Variants in SGSM3 observed in about 807,000 individuals in gnomAD.
SGSM3 encodes the protein RUN and SH3 containing 3.
A neutral mutation model predicts 100.5 loss-of-function variants in SGSM3; 96 were observed. That is an observed-to-expected ratio of 0.96 (90% confidence interval 0.81 to 1.13). The LOEUF (loss-of-function observed/expected upper bound fraction) is 1.13. Among genes scored for constraint, SGSM3 ranks in the 50% most tolerant of loss-of-function variants. The pLI, the probability that SGSM3 is intolerant of heterozygous loss-of-function variation, is 0.00. For missense variants in SGSM3, 1,001 were observed against 1,015.8 expected (o/e 0.99, Z 0.20); for synonymous variants, 483 against 422.8 (o/e 1.14, Z -1.75).
intron 1 of SGSM3, among the ~76,000 whole-genome samples, chr22:40,394,645 CAAAAAAA>C (rs34700924): frequency 4.8e-5 from 4 of 84,132 alleles, no homozygotes; most frequent in Non-Finnish European, 9.2e-5. Context: ...ACTCCTGTCT[CAAAAAAA>C]AAAAAAAAAA....
At position 40,407,950 on chromosome 22, in the gene SGSM3, C is replaced by T. The variant is rs1166624692; in HGVS notation, c.1579+107C>T. The T allele has an allele frequency of 2.8e-6, 4 of 1,451,076 alleles. No individual in the cohort carries two copies. In the African/African-American group the frequency reaches 4.2e-5, roughly 15 times the overall value. 89.9% of individuals were successfully genotyped at this position (1,451,076 alleles called of 1,614,324 possible). On this transcript the variant is annotated intron_variant, in intron 14 of 21. Transcript: ENST00000248929. This position sits in a 1 kb window ranked among gnomAD's most constrained non-coding sequence, Gnocchi z 4.7. ...AAGCTGTTCTCCTCTATACACCTGC[C>T]TGGCTTGAGGTCCCTGAAGCAGCTG...
At chr22:40,395,329 T>TC (rs971691467) in intron 1 of SGSM3, among the ~76,000 whole-genome samples, 2 of 152,006 alleles carry the variant, frequency 1.3e-5, no homozygotes, top group African/African-American at 4.8e-5. Context: ...ATAACTCTTT[T>TC]TTTTTTTTTT....
At chr22:40,390,501 G>C (rs1402565088) in intron 1 of SGSM3, 1 of 152,120 alleles carries the variant, frequency 6.6e-6, no homozygotes, top group Non-Finnish European at 1.5e-5. Flanking sequence ...CTGGTATTTT[G>C]TTCTCAAAAC....
chr22:40,386,907 A>G (rs1243851664), intron 1 of SGSM3, among the ~76,000 whole-genome samples: 1 of 152,148 alleles, frequency 6.6e-6, no homozygotes, highest in Non-Finnish European at 1.5e-5. Context: ...CTCCTAATTT[A>G]TCTGTTTAAT....
At position 40,402,058 on chromosome 22, in the gene SGSM3, A is replaced by T. The variant is rs2050826709; in HGVS notation, c.91-81A>T. 1.6e-5 allele frequency: 17 copies of T among 1,082,706 alleles called. No individual in the cohort carries two copies. The East Asian group carries it at 4.0e-4, about 26-fold the overall frequency. 67.1% of individuals were successfully genotyped at this position (1,082,706 alleles called of 1,614,324 possible). A position where few individuals can be genotyped will look rare whatever the true frequency, so the allele number is the denominator to read the frequency against. On this transcript the variant is annotated intron_variant, in intron 3 of 21. Coordinates refer to ENST00000248929, the MANE Select transcript of SGSM3 (RefSeq NM_015705.6). ...AAGGCTGGGTGGGATTTTAGCAGGC[A>T]ACCCTGTGGGTGGCATCTTTCAGAC...
intron 1 of SGSM3, among the ~76,000 whole-genome samples, chr22:40,400,134 G>A (rs190755124): frequency 7.3e-4 from 111 of 152,278 alleles, no homozygotes; most frequent in African/African-American, 2.5e-3. Flanking sequence ...TGGAGAATAG[G>A]TTCTGTTATG....
intron 1 of SGSM3, among the ~76,000 whole-genome samples, chr22:40,385,876 G>A (rs142002073): frequency 5.3e-5 from 8 of 152,154 alleles, no homozygotes; most frequent in Middle Eastern, 3.4e-3. Context: ...TTGAAGACCG[G>A]GTCTCACTCT....
Position 40,401,685 on chromosome 22 carries a change from T to G in SGSM3, c.90+10T>G. The G allele has an allele frequency of 6.2e-7, 1 of 1,609,494 alleles. No homozygotes were observed. The highest frequency in any genetic ancestry group is 8.5e-7 in the Non-Finnish European group (1 of 1,176,632). Reference sequence around the variant, plus strand: ...GGCCAAGTACACGCAGGTATAGCAGTTAGCCAGGCACCAGCCTGCTGTGCT... The same window carrying G: ...GGCCAAGTACACGCAGGTATAGCAGGTAGCCAGGCACCAGCCTGCTGTGCT... On this transcript the variant is annotated intron_variant, in intron 3 of 21. Transcript: ENST00000248929.
chr22:40,393,687 C>T (rs1486697394), intron 1 of SGSM3, among the ~76,000 whole-genome samples: 3 of 152,154 alleles, frequency 2.0e-5, no homozygotes, highest in Non-Finnish European at 4.4e-5. Context: ...TTTTAAAGAA[C>T]AGAAGTTTAT....
chr22:40,409,072 A>T (rs756872358), intron 19 of SGSM3, 54 bp downstream of exon 19: 7 of 1,552,310 alleles, frequency 4.5e-6, no homozygotes, highest in Non-Finnish European at 5.2e-6. Context: ...GACCCAGCCC[A>T]GCATCAGGGG....
At chr22:40,392,446 C>T (rs1277699943) in intron 1 of SGSM3, among the ~76,000 whole-genome samples, 1 of 151,942 alleles carries the variant, frequency 6.6e-6, no homozygotes, top group Non-Finnish European at 1.5e-5. Flanking sequence ...TAAGCTATTT[C>T]TAATTGTTTA....
intron 1 of SGSM3, among the ~76,000 whole-genome samples, chr22:40,398,059 C>A (rs1302777380): frequency 3.3e-5 from 5 of 151,022 alleles, no homozygotes; most frequent in Admixed American, 6.6e-5. Context: ...CCTCTGCCTC[C>A]TGGGTTCAAG....
At chr22:40,379,855 T>C (rs1008355345) in intron 1 of SGSM3, among the ~76,000 whole-genome samples, 1 of 152,016 alleles carries the variant, frequency 6.6e-6, no homozygotes, top group African/African-American at 2.4e-5. Flanking sequence ...GACTACAGAT[T>C]TGCACCACCA....
chr22:40,386,645 C>T (rs1006367564), intron 1 of SGSM3, among the ~76,000 whole-genome samples: 1 of 138,048 alleles, frequency 7.2e-6, no homozygotes, highest in Non-Finnish European at 1.5e-5. Flanking sequence ...TGGTCTTGAA[C>T]TCCTGGCCTC....
At chr22:40,373,161 G>C (rs2045911399) in intron 1 of SGSM3, among the ~76,000 whole-genome samples, 3 of 152,122 alleles carry the variant, frequency 2.0e-5, no homozygotes, top group Non-Finnish European at 4.4e-5. Context: ...GTTGTCACAG[G>C]TCACTGTAAG....
chr22:40,382,137 A>C (rs2047672891), intron 1 of SGSM3, among the ~76,000 whole-genome samples: 1 of 152,120 alleles, frequency 6.6e-6, no homozygotes, highest in African/African-American at 2.4e-5. Flanking sequence ...CTGCCATGTG[A>C]GGTCAGGATA....
rs1230130976 is a variant in SGSM3, at chr22:40,409,775, C to T, written c.*16C>T. On this transcript the variant is annotated 3_prime_UTR_variant, in exon 22 of 22. Transcript: ENST00000248929. ...GGACGGGTGACCCCCTCCTCCCCAG[C>T]CCAACCTCGGGCCTGCGTCTGAGGT... The T allele has an allele frequency of 1.2e-6, 2 of 1,602,372 alleles. No individual in the cohort carries two copies. The highest frequency in any genetic ancestry group is 2.2e-5 in the East Asian group (1 of 44,800).
intron 1 of SGSM3, chr22:40,387,256 A>G (rs1363157852): frequency 2.5e-6 from 1 of 398,450 alleles, no homozygotes; most frequent in Non-Finnish European, 4.4e-6. Flanking sequence ...ACTGCCACAG[A>G]GTATAATAGC....
intron 6 of SGSM3, 41 bp from the exon 7 acceptor site, chr22:40,405,100 A>T: frequency 6.8e-7 from 1 of 1,470,162 alleles, no homozygotes; most frequent in Non-Finnish European, 9.0e-7. Context: ...CCAGGGTGTC[A>T]CAAGGTCTTG....
Sources: gnomAD v4.1 joint callset for allele counts (sites outside exome capture counted in the v4.1 genomes callset) on GRCh38, gnomAD v4.1.1 for gene constraint, Gnocchi (gnomAD v3.1) non-coding constraint, MANE v1.5 for transcripts, NCBI Gene and HGNC (gene_info 2026-07-23, HGNC 2026-07-21) for gene names.